The following ASPH variants were observed in gnomAD, a reference collection of about 807,000 sequenced individuals.
ASPH encodes the protein aspartyl/asparaginyl beta-hydroxylase.
ASPH carries 100 observed loss-of-function variants against 118.4 expected under a neutral mutation model. The ratio of observed to expected loss-of-function variants is 0.84; its 90% CI spans 0.72 to 1.00. The LOEUF is 1.00. Among genes scored for constraint, ASPH ranks in the 50% least tolerant of loss-of-function variants. The probability of loss-of-function intolerance (pLI) is 0.00; values close to 1 mark genes in which losing one functional copy is unlikely to be tolerated. For missense variants in ASPH, 920 were observed against 919.5 expected (o/e 1.00, Z -0.01); for synonymous variants, 315 against 325.6 (o/e 0.97, Z 0.35).
intron 15 of ASPH, chr8:61,579,760 A>T: frequency 6.1e-6 from 5 of 825,360 alleles, no homozygotes; most frequent in Non-Finnish European, 1.0e-5. Context: ...CACTGGGAAC[A>T]GGAGACCCAC....
At chr8:61,632,996 T>C (rs560059460) in intron 13 of ASPH, 6 of 169,080 alleles carry the variant, frequency 3.5e-5, no homozygotes, top group African/African-American at 1.4e-4. Flanking sequence ...TCCTGTTTGA[T>C]AGAACATTCT....
intron 14 of ASPH, among the ~76,000 whole-genome samples, chr8:61,602,629 G>A (rs1164734308): frequency 1.3e-5 from 2 of 151,230 alleles, no homozygotes; most frequent in Admixed American, 6.6e-5. Context: ...CTAATGCGTA[G>A]GGACCTTAAG....
intron 1 of ASPH, chr8:61,687,378 C>T (rs1339855459): frequency 1.3e-5 from 2 of 152,130 alleles, no homozygotes; most frequent in African/African-American, 4.8e-5. Flanking sequence ...AAGGAGACAG[C>T]CAAACACAGT....
intron 3 of ASPH, among the ~76,000 whole-genome samples, chr8:61,674,166 C>T (rs1307504931): frequency 6.6e-6 from 1 of 152,118 alleles, no homozygotes; most frequent in Non-Finnish European, 1.5e-5. Flanking sequence ...AAATAAGATT[C>T]CTTTAAAAAG....
intron 14 of ASPH, among the ~76,000 whole-genome samples, chr8:61,594,739 G>C (rs1842073458): frequency 1.3e-5 from 2 of 152,144 alleles, no homozygotes; most frequent in Admixed American, 6.5e-5. Context: ...TATAGATTAA[G>C]TTTTGTCATA....
intron 1 of ASPH, among the ~76,000 whole-genome samples, chr8:61,703,214 C>A (rs923038504): frequency 3.3e-5 from 5 of 152,200 alleles, no homozygotes; most frequent in Admixed American, 3.3e-4. Context: ...ATACTAAATA[C>A]TTTGCCACTA....
In ASPH at chr8:61,651,096, T is replaced by G; in HGVS notation, c.444A>C (p.Lys148Asn). 1.2e-6 allele frequency: 2 copies of G among 1,613,804 alleles called. No individual in the cohort carries two copies. Among genetic ancestry groups the G allele is most frequent in the Non-Finnish European group, 1.7e-6 (2 of 1,179,876 alleles). ...AEPQNIEDEA[K>N]EQIQSLLHEM... ...CATGGAGAAGGGACTGAATTTGTTCTTTTGCTTCATCTTCGATATTCTGGG... is the reference window on the plus strand; with the variant it reads ...CATGGAGAAGGGACTGAATTTGTTCGTTTGCTTCATCTTCGATATTCTGGG... The change falls in exon 5 of 25, where the codon AAA becomes AAC. Residue 148 changes from lysine (K) to asparagine (N), a missense_variant. By Grantham distance (94) the Lys-to-Asn change is moderately conservative. Coordinates refer to ENST00000379454, the MANE Select transcript of ASPH (RefSeq NM_004318.4).
chr8:61,598,028 G>T (rs1377508050), intron 14 of ASPH, among the ~76,000 whole-genome samples: 2 of 152,144 alleles, frequency 1.3e-5, no homozygotes, highest in Admixed American at 6.5e-5. Flanking sequence ...CTACCAAACT[G>T]CATGATAAAC....
rs768665454 is a variant in ASPH, at chr8:61,522,707, G to GT, written c.1900+3269dup. Among the ~76,000 whole-genome samples, 30 of 152,134 alleles carry GT rather than the reference G, an allele frequency of 2.0e-4. No homozygotes were observed. In the Middle Eastern group the frequency reaches 0.017, roughly 86 times the overall value. On this transcript the variant is annotated intron_variant, in intron 22 of 24. Transcript: ENST00000379454. ...TGAAGAGGTGCCTTCCACCATGATT[G>GT]TAAGTTTCCTGAGGCCTCCCCAGTC...
intron 1 of ASPH, among the ~76,000 whole-genome samples, chr8:61,708,946 C>T (rs1837417022): frequency 1.3e-5 from 2 of 150,224 alleles, no homozygotes; most frequent in Non-Finnish European, 3.0e-5. Context: ...GTATCTACGG[C>T]AGATGATGAC....
rs149828220 is a variant in ASPH, at chr8:61,583,986, A to T, written c.1020T>A (p.Thr340=). 6.3e-7 allele frequency: 1 copy of T among 1,583,668 alleles called. No individual in the cohort carries two copies. The highest frequency in any genetic ancestry group is 8.6e-7 in the Non-Finnish European group (1 of 1,164,720). The change falls in exon 15 of 25, where the codon ACT becomes ACA. Residue 340 remains threonine (T), a synonymous_variant. Transcript: ENST00000379454. The stretch of plus-strand genomic sequence containing the variant: ...CTGCAGCATCAAGTTCAGCTTTAAT[A>T]GTCTTATCAAATTTATTTAAAAGTT... ...KPKLLNKFDK[T]IKAELDAAEK...
At chr8:61,616,651 A>G (rs1296145577) in intron 14 of ASPH, among the ~76,000 whole-genome samples, 3 of 152,190 alleles carry the variant, frequency 2.0e-5, no homozygotes, top group African/African-American at 7.2e-5. Context: ...AGGCTTGTTC[A>G]GGTGCTCCAG....
intron 14 of ASPH, among the ~76,000 whole-genome samples, chr8:61,590,893 A>G (rs1380140376): frequency 6.6e-6 from 1 of 152,116 alleles, no homozygotes. Flanking sequence ...CATTTCTTCT[A>G]TCAAGTTTAA....
At chr8:61,537,548 T>C (rs922748972) in intron 21 of ASPH, among the ~76,000 whole-genome samples, 15 of 152,010 alleles carry the variant, frequency 9.9e-5, no homozygotes, top group African/African-American at 3.6e-4. Flanking sequence ...TTATTATTAT[T>C]ATTATTATTT....
At chr8:61,564,591 G>A (rs529720714) in intron 17 of ASPH, among the ~76,000 whole-genome samples, 4 of 152,284 alleles carry the variant, frequency 2.6e-5, no homozygotes, top group African/African-American at 4.8e-5. Flanking sequence ...GAGCCACTGC[G>A]TCCGGGCAGT....
chr8:61,544,148 C>G (rs1335877114), intron 21 of ASPH, among the ~76,000 whole-genome samples: 1 of 152,216 alleles, frequency 6.6e-6, no homozygotes, highest in Admixed American at 6.5e-5. Flanking sequence ...GTTTTCAAGG[C>G]TACCCTGGAA....
chr8:61,512,355 T>C, intron 24 of ASPH, among the ~76,000 whole-genome samples: 1 of 152,108 alleles, frequency 6.6e-6, no homozygotes. Context: ...ATAAATGTTC[T>C]TAGAAAAGAA....
intron 1 of ASPH, among the ~76,000 whole-genome samples, chr8:61,713,250 CTAT>C (rs753660034): frequency 6.6e-6 from 1 of 152,128 alleles, no homozygotes; most frequent in Non-Finnish European, 1.5e-5. Context: ...TATTGAGCAC[CTAT>C]TATGGGAAAG....
At chr8:61,567,352 A>G (rs1194578348) in intron 16 of ASPH, 34 bp from the exon 17 acceptor site, 3 of 1,592,434 alleles carry the variant, frequency 1.9e-6, no homozygotes, top group Non-Finnish European at 2.6e-6. Flanking sequence ...TAAATGTCCC[A>G]TGACTAGCTG....
Sources: allele counts gnomAD v4.1 joint callset (sites outside exome capture counted in the v4.1 genomes callset), GRCh38; gene constraint gnomAD v4.1.1; transcripts MANE v1.5; gene names NCBI Gene and HGNC (gene_info 2026-07-23, HGNC 2026-07-21).